The following FNDC3B variants were observed in gnomAD, a reference collection of about 807,000 sequenced individuals.
FNDC3B encodes the protein fibronectin type III domain-containing protein 3B.
In FNDC3B, 12 loss-of-function variants were observed where a neutral mutation model predicts 151.5. That is an observed-to-expected ratio of 0.08 (90% CI 0.05 to 0.13). The LOEUF is 0.13. Among genes scored for constraint, FNDC3B ranks in the 10% least tolerant of loss-of-function variants. FNDC3B has a pLI of 1.00. For missense variants in FNDC3B, 1,214 were observed against 1,505.3 expected, an observed-to-expected ratio of 0.81 and a Z score of 3.20; for synonymous variants, 528 against 549.0, an observed-to-expected ratio of 0.96 and a Z score of 0.54.
intron 3 of FNDC3B, among the ~76,000 whole-genome samples, chr3:172,200,810 G>T (rs1365940731): frequency 6.6e-6 from 1 of 152,168 alleles, no homozygotes; most frequent in Non-Finnish European, 1.5e-5. Context: ...TCAGATAAGT[G>T]ACCTAGCTTG....
chr3:172,277,534 G>A (rs1219060077), intron 6 of FNDC3B, among the ~76,000 whole-genome samples: 1 of 152,094 alleles, frequency 6.6e-6, no homozygotes, highest in African/African-American at 2.4e-5. Context: ...TCACTTTAGC[G>A]CGTAGGGTTT....
intron 7 of FNDC3B, among the ~76,000 whole-genome samples, chr3:172,287,999 G>A (rs529113788): frequency 5.3e-5 from 8 of 152,304 alleles, no homozygotes; most frequent in South Asian, 4.1e-4. Flanking sequence ...TGGCCAGGCC[G>A]TTCTGTACCC....
rs116838267 is a variant in FNDC3B at position 172,372,906 on chromosome 3, C to G, written c.3009-5364C>G. 7.7e-3 allele frequency among the ~76,000 whole-genome samples: 1,170 copies of G among 152,268 alleles called. 24 individuals are homozygous for G. The highest frequency in any genetic ancestry group is 0.027 in the African/African-American group (1,124 of 41,538). On this transcript the variant is annotated intron_variant, in intron 23 of 25. Transcript: ENST00000415807. ...CGAGGTAGATGCTGTGCCCATTTTA[C>G]AAATGGGAGGAACTGACACTTAGCA... is the stretch of plus-strand genomic sequence containing the variant.
intron 3 of FNDC3B, among the ~76,000 whole-genome samples, chr3:172,219,187 T>A (rs776827578): frequency 5.3e-5 from 8 of 152,230 alleles, no homozygotes; most frequent in Non-Finnish European, 1.2e-4. Context: ...GTAATCTTTT[T>A]AAATCTTGTA....
At chr3:172,105,449 T>C (rs1719598170) in intron 1 of FNDC3B, among the ~76,000 whole-genome samples, 1 of 152,096 alleles carries the variant, frequency 6.6e-6, no homozygotes, top group Non-Finnish European at 1.5e-5. Context: ...CAAGAGTATG[T>C]AGAGTATAGT....
rs115137984 is a variant in FNDC3B, at chr3:172,193,357, G to A, written c.188-33514G>A. ...TTCCCTTCCCTTCCTTCCTCTAACT[G>A]CTTTCTCTATAATTTTTTTCAAGAT... On this transcript the variant is annotated intron_variant, in intron 3 of 25. Transcript: ENST00000415807. Among the ~76,000 whole-genome samples, 704 of 100,228 alleles carry A rather than the reference G, an allele frequency of 7.0e-3. 21 individuals are homozygous for A. The highest frequency in any genetic ancestry group is 0.027 in the African/African-American group (656 of 23,992). 65.8% of individuals were successfully genotyped at this position (100,228 alleles called of 152,430 possible). A position where few individuals can be genotyped will look rare whatever the true frequency, so the allele number is the denominator to read the frequency against.
chr3:172,203,011 G>A (rs777836526), intron 3 of FNDC3B, among the ~76,000 whole-genome samples: 1 of 152,128 alleles, frequency 6.6e-6, no homozygotes, highest in Non-Finnish European at 1.5e-5. Context: ...ACCAAAGCCG[G>A]CCATGGGCTG....
At chr3:172,380,912 C>T (rs1735402590) in intron 24 of FNDC3B, 54 bp from the exon 25 acceptor site, 3 of 1,595,880 alleles carry the variant, frequency 1.9e-6, no homozygotes, top group East Asian at 2.3e-5. Flanking sequence ...AAAGTGTTGA[C>T]TATTAACATG....
In FNDC3B at chr3:172,343,070, G is replaced by A. The variant is rs753353372; in HGVS notation, c.2031G>A (p.Pro677=). ...LSIAPGQCRP[P]RVLGRPKHKE... Reference sequence around the variant, plus strand: ...TTGCACCAGGTCAATGTCGACCACCGAGGGTTTTGGGTAGACCAAAGCACA... The same window carrying A: ...TTGCACCAGGTCAATGTCGACCACCAAGGGTTTTGGGTAGACCAAAGCACA... The change falls in exon 18 of 26, where the codon CCG becomes CCA. Residue 677 remains proline (P), a synonymous_variant. Coordinates refer to ENST00000415807, the MANE Select transcript of FNDC3B (RefSeq NM_022763.4). The A allele has an allele frequency of 2.5e-6, 4 of 1,613,340 alleles. No individual in the cohort carries two copies. The highest frequency in any genetic ancestry group is 2.2e-5 in the South Asian group (2 of 91,064).
rs138666938 is a variant in FNDC3B at position 172,336,231 on chromosome 3, G to A, written c.1781-1099G>A. ...CTTAAGATTTTTTAGAAAAATCTCC[G>A]CTATGTCTAAGAATATAGAAGTGGC... On this transcript the variant is annotated intron_variant, in intron 15 of 25. Transcript: ENST00000415807. Among the ~76,000 whole-genome samples the A allele has an allele frequency of 2.6e-3, 391 of 152,194 alleles. 3 individuals carry two copies. Among genetic ancestry groups the A allele is most frequent in the African/African-American group, 8.9e-3 (370 of 41,518 alleles).
intron 2 of FNDC3B, among the ~76,000 whole-genome samples, chr3:172,122,322 T>C (rs1720594929): frequency 6.6e-6 from 1 of 151,796 alleles, no homozygotes; most frequent in Non-Finnish European, 1.5e-5. Flanking sequence ...AATGCAAAAA[T>C]AAACAGCCTG....
At chr3:172,094,308 G>A (rs1718990833) in intron 1 of FNDC3B, among the ~76,000 whole-genome samples, 1 of 152,176 alleles carries the variant, frequency 6.6e-6, no homozygotes, top group East Asian at 1.9e-4. Context: ...GTTGGCAGTT[G>A]CTTCCCACCG....
chr3:172,160,630 T>C (rs534736021), intron 3 of FNDC3B, among the ~76,000 whole-genome samples: 1 of 152,376 alleles, frequency 6.6e-6, no homozygotes, highest in South Asian at 2.1e-4. Context: ...TAGGGGGCCA[T>C]GATCCAATAG....
intron 21 of FNDC3B, among the ~76,000 whole-genome samples, chr3:172,349,303 T>A (rs750013372): frequency 6.6e-6 from 1 of 152,128 alleles, no homozygotes; most frequent in Non-Finnish European, 1.5e-5. Flanking sequence ...TTTATTATAA[T>A]ACCTGTACTG....
chr3:172,316,132 C>A (rs191655665), intron 11 of FNDC3B, among the ~76,000 whole-genome samples: 2 of 151,206 alleles, frequency 1.3e-5, no homozygotes, highest in Non-Finnish European at 2.9e-5. Context: ...CTCGGCCACT[C>A]GAGCAGCTGA....
chr3:172,201,399 T>G (rs1020886154), intron 3 of FNDC3B, among the ~76,000 whole-genome samples: 3 of 152,256 alleles, frequency 2.0e-5, no homozygotes, highest in Admixed American at 6.5e-5. Context: ...TACTTGGACA[T>G]ATTAGGGACA....
chr3:172,137,398 T>C (rs1404168250), intron 3 of FNDC3B, among the ~76,000 whole-genome samples: 1 of 152,126 alleles, frequency 6.6e-6, no homozygotes, highest in African/African-American at 2.4e-5. Context: ...AGCTCACACC[T>C]ATAATCCCAG....
chr3:172,284,465 T>C (rs993495328), intron 6 of FNDC3B, among the ~76,000 whole-genome samples: 1 of 152,132 alleles, frequency 6.6e-6, no homozygotes, highest in Non-Finnish European at 1.5e-5. Context: ...AAGATAGTTC[T>C]TTTCAGATTT....
intron 3 of FNDC3B, among the ~76,000 whole-genome samples, chr3:172,185,122 C>T: frequency 6.6e-6 from 1 of 152,194 alleles, no homozygotes. Context: ...TTGTCATGAA[C>T]ATTGGTCTAT....
Sources: allele counts gnomAD v4.1 joint callset (sites outside exome capture counted in the v4.1 genomes callset), GRCh38; gene constraint gnomAD v4.1.1; transcripts MANE v1.5; gene names NCBI Gene and HGNC (gene_info 2026-07-23, HGNC 2026-07-21).